The following SDK1 variants were observed in gnomAD, a reference collection of about 807,000 sequenced individuals.
SDK1 encodes protein sidekick-1.
In SDK1, 157 loss-of-function variants were observed where a neutral mutation model predicts 245.5. The ratio of observed to expected loss-of-function variants is 0.64; its 90% CI spans 0.56 to 0.73. The LOEUF (loss-of-function observed/expected upper bound fraction) is 0.73. Among genes scored for constraint, SDK1 ranks in the 30% least tolerant of loss-of-function variants. The probability of loss-of-function intolerance (pLI) is 0.00; values close to 1 mark genes in which losing one functional copy is unlikely to be tolerated. For missense variants in SDK1, 3,583 were observed against 3,002.3 expected (o/e 1.19, Z -4.52); for synonymous variants, 1,647 against 1,278.5 (o/e 1.29, Z -6.15).
chr7:3,628,117 A>G (rs1372473899), intron 2 of SDK1, among the ~76,000 whole-genome samples: 1 of 151,946 alleles, frequency 6.6e-6, no homozygotes, highest in Non-Finnish European at 1.5e-5. Context: ...TGACATCTTC[A>G]TTTTCCGGAT....
At position 3,486,454 on chromosome 7, in the gene SDK1, T is replaced by C. The variant is rs1246452642; in HGVS notation, c.299-132626T>C. On this transcript the variant is annotated intron_variant, in intron 1 of 44. Transcript: ENST00000404826. Reference sequence around the variant, plus strand: ...TAATTTATTCTACTTTCCTGTTTGGTTTTGTTTTTACCCCCCTAATTTTGT... The same window carrying C: ...TAATTTATTCTACTTTCCTGTTTGGCTTTGTTTTTACCCCCCTAATTTTGT... 2.0e-5 allele frequency among the ~76,000 whole-genome samples: 3 copies of C among 152,068 alleles called. No individual in the cohort carries two copies. In the East Asian group the frequency reaches 5.8e-4, roughly 29 times the overall value.
intron 4 of SDK1, among the ~76,000 whole-genome samples, chr7:3,676,272 T>A (rs2116621): frequency 6.6e-6 from 1 of 150,990 alleles, no homozygotes; most frequent in Non-Finnish European, 1.5e-5. Flanking sequence ...TCCTGCCTTG[T>A]CCTCCGAAAG....
At chr7:3,544,980 C>G (rs1291552236) in intron 1 of SDK1, among the ~76,000 whole-genome samples, 1 of 152,088 alleles carries the variant, frequency 6.6e-6, no homozygotes, top group African/African-American at 2.4e-5. Context: ...AACTGAGTCC[C>G]TAACTTCTGC....
intron 5 of SDK1, among the ~76,000 whole-genome samples, chr7:3,822,559 C>G (rs577831993): frequency 1.3e-5 from 2 of 152,032 alleles, no homozygotes; most frequent in Non-Finnish European, 2.9e-5. Flanking sequence ...TACTTGAGGT[C>G]AAGAGTTCGA....
At chr7:3,626,189 C>G (rs969112735) in intron 2 of SDK1, among the ~76,000 whole-genome samples, 2 of 151,960 alleles carry the variant, frequency 1.3e-5, no homozygotes, top group African/African-American at 2.4e-5. Context: ...GTCCTCCTGC[C>G]TTGGTCTCCC....
chr7:3,956,187 G>A (rs1171764027), intron 7 of SDK1, among the ~76,000 whole-genome samples: 1 of 152,194 alleles, frequency 6.6e-6, no homozygotes, highest in Non-Finnish European at 1.5e-5. Context: ...CCACTGACAG[G>A]CTAAGACATG....
chr7:3,733,011 A>G (rs551738440), intron 4 of SDK1, among the ~76,000 whole-genome samples: 39 of 152,140 alleles, frequency 2.6e-4, no homozygotes, highest in Non-Finnish European at 4.7e-4. Context: ...CGTTTTTGTC[A>G]GTTGTCTACA....
intron 1 of SDK1, among the ~76,000 whole-genome samples, chr7:3,582,433 GGTCTGTCTCAGGTA>G: frequency 6.8e-6 from 1 of 147,168 alleles, no homozygotes; most frequent in South Asian, 2.1e-4. Context: ...GTCTCAGGTA[GGTCTGTCTCAGGTA>G]GGTCTCCCTC....
intron 5 of SDK1, among the ~76,000 whole-genome samples, chr7:3,865,386 G>A (rs1431467563): frequency 5.3e-5 from 8 of 152,178 alleles, no homozygotes; most frequent in African/African-American, 1.9e-4. Flanking sequence ...GAGTAAGACC[G>A]ACAGACTCAA....
chr7:4,067,211 C>A (rs1779962209), intron 19 of SDK1, among the ~76,000 whole-genome samples: 1 of 152,192 alleles, frequency 6.6e-6, no homozygotes, highest in Admixed American at 6.5e-5. Flanking sequence ...AGCTTGGACG[C>A]CAGCGTTCAA....
intron 44 of SDK1, among the ~76,000 whole-genome samples, chr7:4,264,413 G>T (rs112932919): frequency 9.4e-5 from 7 of 74,154 alleles, no homozygotes; most frequent in African/African-American, 2.8e-4. Context: ...GGGTAAGGAA[G>T]GCCGCGTGGA....
chr7:3,616,774 A>G (rs927801431), intron 1 of SDK1, among the ~76,000 whole-genome samples: 2 of 152,230 alleles, frequency 1.3e-5, no homozygotes, highest in African/African-American at 4.8e-5. Context: ...TTTATACACT[A>G]TAGTTTAATG....
At chr7:3,335,604 A>G (rs1225902110) in intron 1 of SDK1, among the ~76,000 whole-genome samples, 1 of 152,164 alleles carries the variant, frequency 6.6e-6, no homozygotes, top group East Asian at 1.9e-4. Context: ...GAAGGATAAG[A>G]GGGTCTTTGT....
chr7:4,164,448 G>A (rs1257161743), intron 32 of SDK1, among the ~76,000 whole-genome samples: 2 of 152,072 alleles, frequency 1.3e-5, no homozygotes, highest in African/African-American at 2.4e-5. Flanking sequence ...AGGGTCTCCG[G>A]TGGGAGGTTA....
intron 1 of SDK1, among the ~76,000 whole-genome samples, chr7:3,312,822 A>C (rs919976976): frequency 1.3e-5 from 2 of 152,122 alleles, no homozygotes; most frequent in African/African-American, 4.8e-5. Context: ...CACTATTAGA[A>C]GATAGAATGG....
At chr7:3,904,885 C>G (rs6955371) in intron 5 of SDK1, among the ~76,000 whole-genome samples, 3 of 151,154 alleles carry the variant, frequency 2.0e-5, no homozygotes, top group Non-Finnish European at 4.4e-5. Flanking sequence ...CCCAGCTACT[C>G]GGGAGACTGA....
At chr7:3,606,556 G>A (rs900842824) in intron 1 of SDK1, among the ~76,000 whole-genome samples, 7 of 152,100 alleles carry the variant, frequency 4.6e-5, no homozygotes, top group African/African-American at 1.4e-4. Context: ...CCACCCTGGT[G>A]TCACTGCTGG....
chr7:3,960,997 A>G (rs1781635263), intron 8 of SDK1, among the ~76,000 whole-genome samples: 1 of 152,222 alleles, frequency 6.6e-6, no homozygotes, highest in Non-Finnish European at 1.5e-5. Flanking sequence ...CCTATGTACT[A>G]ACAATTATTT....
chr7:3,866,443 C>G (rs1021314361), intron 5 of SDK1, among the ~76,000 whole-genome samples: 1 of 152,188 alleles, frequency 6.6e-6, no homozygotes, highest in African/African-American at 2.4e-5. Flanking sequence ...AAGTGATTCT[C>G]TCAGCAGAGA....
Sources: gnomAD v4.1 joint callset for allele counts (sites outside exome capture counted in the v4.1 genomes callset) on GRCh38, gnomAD v4.1.1 for gene constraint, MANE v1.5 for transcripts, NCBI Gene and HGNC (gene_info 2026-07-23, HGNC 2026-07-21) for gene names.